The following FRMD4B variants were observed in gnomAD, a reference collection of about 807,000 sequenced individuals.
FRMD4B encodes the protein FERM domain-containing protein 4B.
A neutral mutation model predicts 141.5 loss-of-function variants in FRMD4B; 74 were observed. The ratio of observed to expected loss-of-function variants is 0.52; its 90% CI spans 0.43 to 0.63. The LOEUF is 0.63. FRMD4B is among the 30% of genes least tolerant of loss of function. The probability of loss-of-function intolerance (pLI) is 0.00; values close to 1 mark genes in which losing one functional copy is unlikely to be tolerated. For missense variants in FRMD4B, 1,366 were observed against 1,253.4 expected, an observed-to-expected ratio of 1.09 and a Z score of -1.36; for synonymous variants, 506 against 467.9, an observed-to-expected ratio of 1.08 and a Z score of -1.05.
intron 7 of FRMD4B, among the ~76,000 whole-genome samples, chr3:69,240,002 G>A (rs1211025233): frequency 2.0e-5 from 3 of 149,554 alleles, no homozygotes; most frequent in Non-Finnish European, 4.5e-5. Context: ...GCAGTGAGCC[G>A]AAATCATGCC....
At chr3:69,484,174 G>C (rs1365428034) in intron 1 of FRMD4B, among the ~76,000 whole-genome samples, 3 of 152,182 alleles carry the variant, frequency 2.0e-5, no homozygotes, top group African/African-American at 7.2e-5. Flanking sequence ...CATTTATTTA[G>C]TAGATTACAA....
chr3:69,507,597 C>T (rs1025294058), intron 1 of FRMD4B, among the ~76,000 whole-genome samples: 1 of 152,104 alleles, frequency 6.6e-6, no homozygotes, highest in African/African-American at 2.4e-5. Flanking sequence ...TATTTCTAAT[C>T]TTTTACTGCT....
At chr3:69,345,076 C>T (rs1159641041) in intron 1 of FRMD4B, among the ~76,000 whole-genome samples, 1 of 152,068 alleles carries the variant, frequency 6.6e-6, no homozygotes, top group African/African-American at 2.4e-5. Context: ...TCAGGGAATT[C>T]CCTTTCCTAG....
In FRMD4B at chr3:69,195,081, C is replaced by G. The variant is rs767114205; in HGVS notation, c.1429G>C (p.Val477Leu). The G allele has an allele frequency of 6.2e-7, 1 of 1,613,922 alleles. No homozygotes were observed. The highest frequency in any genetic ancestry group is 2.2e-5 in the East Asian group (1 of 44,888). The change falls in exon 16 of 23, where the codon GTC becomes CTC. Residue 477 changes from valine (V) to leucine (L), a missense_variant. Val to Leu is a conservative substitution (Grantham distance 32, BLOSUM62 1). Coordinates refer to ENST00000398540, the MANE Select transcript of FRMD4B (RefSeq NM_015123.3). ...PLNIGEKPPQ[V>L]RRRVGTAFKL... is the part of the protein sequence containing the mutation. ...AACGCAGTACCCACACGTCTTCTGA[C>G]CTGAGGAGGCTTCTCGCCTATGTTC...
At chr3:69,216,118 C>A in intron 11 of FRMD4B, 145 bp downstream of exon 11, 1 of 532,216 alleles carries the variant, frequency 1.9e-6, no homozygotes. Context: ...CAGCCCACTG[C>A]ACTCCAGCTT....
chr3:69,267,123 T>G (rs957573062), intron 5 of FRMD4B, among the ~76,000 whole-genome samples: 6 of 152,054 alleles, frequency 3.9e-5, no homozygotes, highest in Admixed American at 1.3e-4. Context: ...GGGTGTAGGT[T>G]TCTGTGTTTT....
chr3:69,490,853 TG>T (rs1256913498), intron 1 of FRMD4B, among the ~76,000 whole-genome samples: 4 of 152,132 alleles, frequency 2.6e-5, no homozygotes, highest in African/African-American at 9.7e-5. Flanking sequence ...TAAGGTTGCT[TG>T]CTTCTGCCCT....
chr3:69,210,274 G>A (rs992008493), intron 11 of FRMD4B, among the ~76,000 whole-genome samples: 42 of 152,342 alleles, frequency 2.8e-4, no homozygotes, highest in Admixed American at 1.2e-3. Flanking sequence ...TCCAGGGGAA[G>A]TATTTGCCGA....
intron 5 of FRMD4B, among the ~76,000 whole-genome samples, chr3:69,268,462 C>T (rs934320365): frequency 1.3e-5 from 2 of 152,010 alleles, no homozygotes; most frequent in African/African-American, 4.8e-5. Flanking sequence ...TACCCTTCCA[C>T]ATTATAAGAT....
At chr3:69,263,445 C>G (rs890329322) in intron 5 of FRMD4B, among the ~76,000 whole-genome samples, 3 of 124,246 alleles carry the variant, frequency 2.4e-5, no homozygotes, top group Admixed American at 9.9e-5. Context: ...CTCTCTTGCT[C>G]TGTCACCCAG....
intron 1 of FRMD4B, among the ~76,000 whole-genome samples, chr3:69,449,442 T>C (rs1705459665): frequency 6.6e-6 from 1 of 152,052 alleles, no homozygotes; most frequent in Non-Finnish European, 1.5e-5. Context: ...CCCAAAAGAG[T>C]TGACTCTTAA....
At chr3:69,366,060 A>AACACACACACAC (rs4063529) in intron 1 of FRMD4B, among the ~76,000 whole-genome samples, 5 of 127,192 alleles carry the variant, frequency 3.9e-5, no homozygotes, top group African/African-American at 1.6e-4. Context: ...ACCTCTACAA[A>AACACACACACAC]ACACACACAC....
intron 19 of FRMD4B, among the ~76,000 whole-genome samples, chr3:69,186,316 G>T (rs1276257155): frequency 7.4e-6 from 1 of 135,672 alleles, no homozygotes; most frequent in Non-Finnish European, 1.5e-5. Context: ...CATGATCATA[G>T]TTCACTTCAA....
intron 1 of FRMD4B, among the ~76,000 whole-genome samples, chr3:69,540,553 G>A (rs1342555020): frequency 1.4e-5 from 2 of 143,002 alleles, no homozygotes; most frequent in African/African-American, 5.2e-5. Flanking sequence ...GGCAGAGGTT[G>A]CAGTGAGCCG....
chr3:69,344,580 C>CT (rs1011293403), intron 1 of FRMD4B, among the ~76,000 whole-genome samples: 2 of 152,172 alleles, frequency 1.3e-5, no homozygotes, highest in African/African-American at 4.8e-5. Flanking sequence ...GACCACATAG[C>CT]TTGTCAGTAA....
intron 11 of FRMD4B, among the ~76,000 whole-genome samples, chr3:69,216,031 G>A (rs2093136578): frequency 6.6e-6 from 1 of 152,100 alleles, no homozygotes; most frequent in East Asian, 1.9e-4. Flanking sequence ...GCGTGTGCCT[G>A]TAATCCCAGC....
At position 69,218,323 on chromosome 3, in the gene FRMD4B, T is replaced by C; in HGVS notation, c.788A>G (p.Lys263Arg). 2 of 1,473,746 alleles carry C rather than the reference T, an allele frequency of 1.4e-6. No homozygotes were observed. The highest frequency in any genetic ancestry group is 1.8e-5 in the Admixed American group (1 of 57,142). The allele number at this position is 1,473,746 out of a possible 1,614,324, so 91.3% of individuals were successfully genotyped here. A position where few individuals can be genotyped will look rare whatever the true frequency, so the allele number is the denominator to read the frequency against. Residue 263 changes from lysine to arginine, a missense_variant and splice_region_variant, in exon 10 of 23, where the codon AAG becomes AGG. Coordinates refer to ENST00000398540, the MANE Select transcript of FRMD4B (RefSeq NM_015123.3). ...PTYGVHYYAV[K>R]DKQGLPWWLG... Reference sequence around the variant, plus strand: ...GCTTTGTCATGTAAAATTACTTACCTTTACTGCATAATAATGGACACCGTA... The same window carrying C: ...GCTTTGTCATGTAAAATTACTTACCCTTACTGCATAATAATGGACACCGTA...
At chr3:69,309,359 T>C (rs1299124303) in intron 3 of FRMD4B, among the ~76,000 whole-genome samples, 2 of 150,834 alleles carry the variant, frequency 1.3e-5, no homozygotes, top group Admixed American at 6.6e-5. Context: ...TAGGCTGGTC[T>C]TGAACTCCTG....
At chr3:69,185,433 T>G (rs1559694119) in intron 19 of FRMD4B, among the ~76,000 whole-genome samples, 1 of 152,214 alleles carries the variant, frequency 6.6e-6, no homozygotes, top group Non-Finnish European at 1.5e-5. Flanking sequence ...TTCCTTTATT[T>G]AAATTTTTTT....
Sources: gnomAD v4.1 joint callset for allele counts (sites outside exome capture counted in the v4.1 genomes callset) on GRCh38, gnomAD v4.1.1 for gene constraint, MANE v1.5 for transcripts, NCBI Gene and HGNC (gene_info 2026-07-23, HGNC 2026-07-21) for gene names.